The following CFAP299 variants were observed in gnomAD, a reference collection of about 807,000 sequenced individuals.
The protein encoded by CFAP299 is cilia- and flagella-associated protein 299.
A neutral mutation model predicts 27.0 loss-of-function variants in CFAP299; 21 were observed. That is an observed-to-expected ratio of 0.78 (90% CI 0.55 to 1.12). The LOEUF (loss-of-function observed/expected upper bound fraction) is 1.12. Among genes scored for constraint, CFAP299 ranks in the 50% most tolerant of loss-of-function variants. The pLI is 0.00. For missense variants in CFAP299, 310 were observed against 276.6 expected, an observed-to-expected ratio of 1.12 and a Z score of -0.86; for synonymous variants, 104 against 98.1, an observed-to-expected ratio of 1.06 and a Z score of -0.36.
At chr4:80,930,320 A>G (rs1208124174) in intron 4 of CFAP299, among the ~76,000 whole-genome samples, 1 of 152,160 alleles carries the variant, frequency 6.6e-6, no homozygotes, top group Non-Finnish European at 1.5e-5. Flanking sequence ...TATCCTTATA[A>G]TAAACCAGTG....
At chr4:80,753,743 T>C (rs1463561425) in intron 3 of CFAP299, among the ~76,000 whole-genome samples, 2 of 152,196 alleles carry the variant, frequency 1.3e-5, no homozygotes, top group Admixed American at 1.3e-4. Context: ...AGTTCACTGA[T>C]TCTTTTTTCT....
chr4:80,387,169 G>C (rs1420510103), intron 2 of CFAP299: 2 of 1,361,788 alleles, frequency 1.5e-6, no homozygotes, highest in Non-Finnish European at 2.1e-6. Context: ...TCTTGGGGCT[G>C]TGCTGTGGAA....
chr4:80,756,489 G>A (rs1267643329), intron 3 of CFAP299, among the ~76,000 whole-genome samples: 2 of 152,002 alleles, frequency 1.3e-5, no homozygotes, highest in African/African-American at 4.8e-5. Flanking sequence ...TGCAAGCTAA[G>A]AATGTTATTT....
intron 2 of CFAP299, among the ~76,000 whole-genome samples, chr4:80,478,989 A>C (rs1730423328): frequency 6.6e-6 from 1 of 152,058 alleles, no homozygotes; most frequent in African/African-American, 2.4e-5. Context: ...ATCACAATTC[A>C]AGATGATTAT....
At chr4:80,926,594 T>A (rs1336704538) in intron 4 of CFAP299, among the ~76,000 whole-genome samples, 1 of 151,970 alleles carries the variant, frequency 6.6e-6, no homozygotes, top group Non-Finnish European at 1.5e-5. Flanking sequence ...CCTAGGATAA[T>A]CCACATTTCT....
intron 3 of CFAP299, among the ~76,000 whole-genome samples, chr4:80,721,278 T>G (rs1722794588): frequency 6.6e-6 from 1 of 152,230 alleles, no homozygotes; most frequent in Non-Finnish European, 1.5e-5. Context: ...ATCAAGGAAT[T>G]TGTATTTGTT....
intron 2 of CFAP299, among the ~76,000 whole-genome samples, chr4:80,574,810 C>T (rs956589071): frequency 1.6e-4 from 24 of 152,042 alleles, no homozygotes; most frequent in African/African-American, 4.3e-4. Context: ...GGATAAGTTC[C>T]ACTTGGTCAT....
intron 2 of CFAP299, chr4:80,388,165 CA>C: frequency 1.5e-6 from 1 of 676,620 alleles, no homozygotes; most frequent in Non-Finnish European, 2.7e-6. Flanking sequence ...GTGGTGAGGG[CA>C]GTGGTGGAGG....
rs1169081246 is a variant in CFAP299, at chr4:80,684,430, A to AT, written c.333+101253dup. 3.3e-5 allele frequency among the ~76,000 whole-genome samples: 5 copies of AT among 151,914 alleles called. No individual in the cohort carries two copies. The East Asian group carries it at 7.8e-4, about 24-fold the overall frequency. On this transcript the variant is annotated intron_variant, in intron 3 of 5. Transcript: ENST00000358105. ...AGGCGCCTGCTACCACGCCCGACTA[A>AT]TTTTTTGTATTTTTTTAGTAGAGAC...
intron 2 of CFAP299, among the ~76,000 whole-genome samples, chr4:80,512,704 G>A (rs1347987441): frequency 6.6e-6 from 1 of 152,000 alleles, no homozygotes; most frequent in Non-Finnish European, 1.5e-5. Context: ...GAGCTGTGGT[G>A]CAAAAAGCAT....
At chr4:80,403,405 A>G (rs1726259215) in intron 2 of CFAP299, among the ~76,000 whole-genome samples, 1 of 152,244 alleles carries the variant, frequency 6.6e-6, no homozygotes, top group African/African-American at 2.4e-5. Context: ...CCCTAAGTTT[A>G]AAATGATTCT....
chr4:80,955,008 A>C (rs1737986902), intron 5 of CFAP299, among the ~76,000 whole-genome samples: 2 of 110,160 alleles, frequency 1.8e-5, no homozygotes, highest in East Asian at 2.3e-4. Flanking sequence ...AAAAAAAAAA[A>C]AAAAAAAAAA....
At chr4:80,639,039 C>A (rs971745764) in intron 3 of CFAP299, among the ~76,000 whole-genome samples, 1 of 152,072 alleles carries the variant, frequency 6.6e-6, no homozygotes, top group African/African-American at 2.4e-5. Flanking sequence ...TCTTATAAGG[C>A]CACTACTCCT....
chr4:80,493,447 T>C (rs1309469568), intron 2 of CFAP299, among the ~76,000 whole-genome samples: 3 of 152,108 alleles, frequency 2.0e-5, no homozygotes, highest in Non-Finnish European at 4.4e-5. Flanking sequence ...GGATGAGTGC[T>C]TTGGCGGAGT....
chr4:80,643,851 G>GA (rs1284785695), intron 3 of CFAP299, among the ~76,000 whole-genome samples: 1 of 152,080 alleles, frequency 6.6e-6, no homozygotes, highest in Non-Finnish European at 1.5e-5. Flanking sequence ...GCTTAAAAGA[G>GA]AAAAATCTTT....
At chr4:80,711,566 A>C (rs1312781554) in intron 3 of CFAP299, among the ~76,000 whole-genome samples, 2 of 151,980 alleles carry the variant, frequency 1.3e-5, no homozygotes, top group Non-Finnish European at 1.5e-5. Flanking sequence ...CATTATATTT[A>C]TTTTACGGAT....
intron 3 of CFAP299, among the ~76,000 whole-genome samples, chr4:80,813,848 G>GA (rs966729655): frequency 2.0e-5 from 3 of 151,398 alleles, no homozygotes; most frequent in Non-Finnish European, 3.0e-5. Flanking sequence ...TCCAGAAAAG[G>GA]AAAAAAACAA....
At chr4:80,820,211 A>G (rs1456664021) in intron 3 of CFAP299, among the ~76,000 whole-genome samples, 1 of 152,168 alleles carries the variant, frequency 6.6e-6, no homozygotes, top group Non-Finnish European at 1.5e-5. Context: ...TTAGTCACAT[A>G]TCTCCTTCTA....
At chr4:80,677,866 A>C (rs891533291) in intron 3 of CFAP299, among the ~76,000 whole-genome samples, 1 of 152,122 alleles carries the variant, frequency 6.6e-6, no homozygotes, top group African/African-American at 2.4e-5. Flanking sequence ...ACATTTAAAT[A>C]GATAAATTCC....
Sources: gnomAD v4.1 joint callset for allele counts (sites outside exome capture counted in the v4.1 genomes callset) on GRCh38, gnomAD v4.1.1 for gene constraint, MANE v1.5 for transcripts, NCBI Gene and HGNC (gene_info 2026-07-23, HGNC 2026-07-21) for gene names.